ASIC2: variants seen among roughly 807,000 people sequenced by gnomAD.
The protein encoded by ASIC2 is acid sensing ion channel subunit 2, also known as acid-sensing ion channel 2.
Under a neutral mutation model 57.3 loss-of-function variants are expected in ASIC2, and 25 were observed. The observed-to-expected ratio is 0.44, with a 90% CI of 0.32 to 0.61. The LOEUF (loss-of-function observed/expected upper bound fraction) is 0.61, where lower values mean the gene tolerates loss of function less well. ASIC2 is among the 20% of genes least tolerant of loss of function. The pLI is 0.06. For missense variants in ASIC2, 641 were observed against 738.1 expected, an observed-to-expected ratio of 0.87 and a Z score of 1.52; for synonymous variants, 319 against 307.5, an observed-to-expected ratio of 1.04 and a Z score of -0.39.
At chr17:33,857,666 G>C (rs1439868478) in intron 1 of ASIC2, among the ~76,000 whole-genome samples, 2 of 152,278 alleles carry the variant, frequency 1.3e-5, no homozygotes, top group East Asian at 3.9e-4. Context: ...GAGGCGCTGA[G>C]GTATCATCTT....
chr17:33,725,262 T>C (rs2142086463), intron 1 of ASIC2, among the ~76,000 whole-genome samples: 1 of 152,168 alleles, frequency 6.6e-6, no homozygotes, highest in South Asian at 2.1e-4. Context: ...CTGGGGAAAA[T>C]ACGTGGAGGG....
chr17:33,973,482 G>A (rs530917858), intron 1 of ASIC2, among the ~76,000 whole-genome samples: 2 of 152,364 alleles, frequency 1.3e-5, no homozygotes, highest in Admixed American at 6.5e-5. Flanking sequence ...GGGCAATTGA[G>A]TGCTTTTCTC....
At chr17:34,117,070 G>GCA (rs1439514429) in intron 1 of ASIC2, among the ~76,000 whole-genome samples, 1 of 152,092 alleles carries the variant, frequency 6.6e-6, no homozygotes, top group Non-Finnish European at 1.5e-5. Flanking sequence ...TGGAAAGTGT[G>GCA]CACACACACA....
intron 1 of ASIC2, among the ~76,000 whole-genome samples, chr17:33,497,980 G>A (rs904411846): frequency 6.6e-6 from 1 of 152,246 alleles, no homozygotes; most frequent in African/African-American, 2.4e-5. Flanking sequence ...CTATAGCCAA[G>A]GGAAGTTCCT....
chr17:33,838,065 T>TG (rs1913326043), intron 1 of ASIC2, among the ~76,000 whole-genome samples: 1 of 152,222 alleles, frequency 6.6e-6, no homozygotes, highest in Non-Finnish European at 1.5e-5. Context: ...CTCCTACTGC[T>TG]GCTTGAGTCT....
intron 1 of ASIC2, among the ~76,000 whole-genome samples, chr17:33,941,703 G>A (rs775972587): frequency 2.0e-5 from 3 of 152,216 alleles, no homozygotes; most frequent in Non-Finnish European, 4.4e-5. Context: ...GCTCAGAGTG[G>A]AGCAATGAAA....
intron 1 of ASIC2, among the ~76,000 whole-genome samples, chr17:33,392,196 C>T (rs12945612): frequency 0.092 from 3,474 of 37,714 alleles, 371 homozygotes; most frequent in East Asian, 0.33. Flanking sequence ...CCTTCCTTCC[C>T]TCCTTCCTTC....
At chr17:33,202,849 G>T (rs1906928018) in intron 1 of ASIC2, among the ~76,000 whole-genome samples, 1 of 152,126 alleles carries the variant, frequency 6.6e-6, no homozygotes, top group East Asian at 1.9e-4. Flanking sequence ...CCTGGGGGAT[G>T]GTCATGTCCT....
chr17:33,049,785 T>C (rs1484433791), intron 3 of ASIC2, among the ~76,000 whole-genome samples: 1 of 152,206 alleles, frequency 6.6e-6, no homozygotes, highest in Admixed American at 6.5e-5. Flanking sequence ...CTGAAGCATC[T>C]ACCGCAGCAT....
At chr17:33,546,460 G>A (rs753247773) in intron 1 of ASIC2, among the ~76,000 whole-genome samples, 1 of 152,104 alleles carries the variant, frequency 6.6e-6, no homozygotes, top group East Asian at 1.9e-4. Context: ...GGAGGCACCC[G>A]AGTATGATGA....
At chr17:33,873,396 C>A (rs1193636434) in intron 1 of ASIC2, among the ~76,000 whole-genome samples, 1 of 152,172 alleles carries the variant, frequency 6.6e-6, no homozygotes, top group East Asian at 1.9e-4. Context: ...AGTGGTCTGG[C>A]TCATGCTGAG....
In ASIC2 at chr17:34,124,999, C is replaced by T. The variant is rs541199921; in HGVS notation, c.555+30979G>A. Among the ~76,000 whole-genome samples the T allele has an allele frequency of 2.0e-5, 3 of 149,966 alleles. No homozygotes were observed. In the East Asian group the frequency reaches 5.9e-4, roughly 29 times the overall value. On this transcript the variant is annotated intron_variant, in intron 1 of 9. Transcript: ENST00000359872. ...TGTCCTGTTCACCCACACATCAGGA[C>T]TTCTATGTATGTCATCTCTGCTTGT...
intron 1 of ASIC2, among the ~76,000 whole-genome samples, chr17:33,521,634 G>A (rs752847861): frequency 2.6e-5 from 4 of 152,220 alleles, no homozygotes; most frequent in African/African-American, 4.8e-5. Context: ...GACTGGCAGA[G>A]CTGGAGGGAC....
At chr17:33,973,811 C>G (rs1422122766) in intron 1 of ASIC2, among the ~76,000 whole-genome samples, 2 of 152,148 alleles carry the variant, frequency 1.3e-5, no homozygotes, top group Admixed American at 1.3e-4. Flanking sequence ...TTGCTGTGAT[C>G]CTTGGGGTGT....
intron 1 of ASIC2, among the ~76,000 whole-genome samples, chr17:33,441,742 C>T (rs1911829711): frequency 6.6e-6 from 1 of 152,174 alleles, no homozygotes; most frequent in Non-Finnish European, 1.5e-5. Flanking sequence ...TTGCAAAGTT[C>T]CCCCCAGTTT....
chr17:33,807,678 A>C (rs1406805906), intron 1 of ASIC2, among the ~76,000 whole-genome samples: 1 of 152,096 alleles, frequency 6.6e-6, no homozygotes, highest in East Asian at 1.9e-4. Flanking sequence ...TCCTCTTCAC[A>C]CATATCCAAT....
At chr17:33,269,815 G>A (rs1904412900) in intron 1 of ASIC2, among the ~76,000 whole-genome samples, 2 of 146,912 alleles carry the variant, frequency 1.4e-5, no homozygotes, top group Non-Finnish European at 3.0e-5. Context: ...CACTAGGAAT[G>A]GTAGTAAAAC....
chr17:33,400,820 CT>C (rs1377580421), intron 1 of ASIC2, among the ~76,000 whole-genome samples: 6 of 152,158 alleles, frequency 3.9e-5, no homozygotes, highest in African/African-American at 1.4e-4. Flanking sequence ...CCTGCCACCC[CT>C]GCCACCCCTG....
intron 1 of ASIC2, among the ~76,000 whole-genome samples, chr17:33,939,707 C>T (rs979866972): frequency 2.6e-5 from 4 of 152,204 alleles, no homozygotes; most frequent in East Asian, 1.9e-4. Context: ...GGTGAGCAGG[C>T]AGCTGGAACC....
Sources: allele counts gnomAD v4.1 joint callset (sites outside exome capture counted in the v4.1 genomes callset), GRCh38; gene constraint gnomAD v4.1.1; transcripts MANE v1.5; gene names NCBI Gene and HGNC (gene_info 2026-07-23, HGNC 2026-07-21).